Variants in TBC1D32 observed in about 807,000 individuals in gnomAD.
The protein encoded by TBC1D32 is TBC1 domain family member 32.
TBC1D32 carries 151 observed loss-of-function variants against 170.3 expected under a neutral mutation model. The observed-to-expected ratio is 0.89, with a 90% CI of 0.78 to 1.01. TBC1D32 has a LOEUF of 1.01. Among genes scored for constraint, TBC1D32 ranks in the 50% least tolerant of loss-of-function variants. The pLI is 0.00. For missense variants in TBC1D32, 1,464 were observed against 1,457.1 expected (o/e 1.00, Z -0.08); for synonymous variants, 498 against 488.0 (o/e 1.02, Z -0.27).
chr6:121,297,913 C>A (rs996366186), intron 10 of TBC1D32, among the ~76,000 whole-genome samples: 2 of 151,974 alleles, frequency 1.3e-5, no homozygotes, highest in Non-Finnish European at 2.9e-5. Flanking sequence ...TGATGAGAAG[C>A]TAGAGGAAAT....
chr6:121,269,422 C>T (rs1411497308), intron 15 of TBC1D32, among the ~76,000 whole-genome samples: 2 of 137,700 alleles, frequency 1.5e-5, no homozygotes, highest in South Asian at 5.6e-4. Flanking sequence ...GGAAGATCTA[C>T]CAAGCAAATG....
chr6:121,092,836 T>C (rs1776975272), intron 30 of TBC1D32, among the ~76,000 whole-genome samples: 1 of 152,192 alleles, frequency 6.6e-6, no homozygotes, highest in Non-Finnish European at 1.5e-5. Context: ...TATAGTCACA[T>C]TCTGAAGTAG....
At chr6:121,220,497 T>C (rs1309272617) in intron 21 of TBC1D32, among the ~76,000 whole-genome samples, 1 of 152,090 alleles carries the variant, frequency 6.6e-6, no homozygotes, top group African/African-American at 2.4e-5. Flanking sequence ...ACAGGTTGGT[T>C]CATGGGATTC....
chr6:121,313,516 T>C (rs1024619808), intron 3 of TBC1D32, among the ~76,000 whole-genome samples: 2 of 151,998 alleles, frequency 1.3e-5, no homozygotes, highest in African/African-American at 4.8e-5. Flanking sequence ...CCCCTACACA[T>C]TCCTCTTCCA....
intron 22 of TBC1D32, 93 bp from the exon 23 acceptor site, chr6:121,161,149 A>G (rs1632545): frequency 0.98 from 855,835 of 872,834 alleles, 420,478 homozygotes; most frequent in Non-Finnish European, 1. Flanking sequence ...AAAAAAGGCA[A>G]AAATATTTAT....
At chr6:121,157,840 T>C (rs1048967556) in intron 24 of TBC1D32, among the ~76,000 whole-genome samples, 7 of 152,148 alleles carry the variant, frequency 4.6e-5, no homozygotes, top group African/African-American at 1.7e-4. Flanking sequence ...CTCCAATCTC[T>C]TCTGGCTTTA....
intron 31 of TBC1D32, among the ~76,000 whole-genome samples, chr6:121,084,466 C>T (rs1775981455): frequency 6.6e-6 from 1 of 152,060 alleles, no homozygotes; most frequent in Admixed American, 6.6e-5. Flanking sequence ...ACACTACAGA[C>T]ATATGATGTT....
chr6:121,252,354 A>T (rs913224961), intron 17 of TBC1D32, among the ~76,000 whole-genome samples: 3 of 152,238 alleles, frequency 2.0e-5, no homozygotes, highest in Non-Finnish European at 2.9e-5. Flanking sequence ...GACTGGATAA[A>T]GAAAATGTGG....
At chr6:121,122,411 C>A (rs972512633) in intron 26 of TBC1D32, among the ~76,000 whole-genome samples, 1 of 151,920 alleles carries the variant, frequency 6.6e-6, no homozygotes, top group Admixed American at 6.6e-5. Flanking sequence ...CTGTATCATG[C>A]TCTCCTATCT....
Position 121,283,896 on chromosome 6 carries a change from T to C in TBC1D32, c.1387A>G (p.Ile463Val), listed in dbSNP as rs557088263. Residue 463 changes from isoleucine to valine, a missense_variant, in exon 13 of 32, where the codon ATA (isoleucine) becomes GTA (valine). Transcript: ENST00000398212. ...LKNKKGLVSLIDLLVLFTQLI... is the reference protein window; with the variant it reads ...LKNKKGLVSLVDLLVLFTQLI... ...TGGGTAAAAAGAACAAGCAGATCTA[T>C]GAGGGATACCAAACCTTTAAAAAGA... 12 of 1,607,316 alleles carry C rather than the reference T, an allele frequency of 7.5e-6. No homozygotes were observed. The African/African-American group carries it at 9.4e-5, about 13-fold the overall frequency.
chr6:121,303,774 G>GA lies in TBC1D32; in HGVS notation c.936-14dup, dbSNP rs776085523. ...TTCTTCCATATACCTTAAAGTTTGG[G>GA]AAAAAAGAAATACAATTACACATAT... On this transcript the variant is annotated splice_polypyrimidine_tract_variant and intron_variant, in intron 8 of 31. Transcript: ENST00000398212. 2.7e-6 allele frequency: 4 copies of GA among 1,491,396 alleles called. No homozygotes were observed. In the South Asian group the frequency reaches 4.2e-5, roughly 16 times the overall value. The allele number at this position is 1,491,396 out of a possible 1,614,324, so 92.4% of individuals were successfully genotyped here. A position where few individuals can be genotyped will look rare whatever the true frequency, so the allele number is the denominator to read the frequency against.
chr6:121,230,993 G>T (rs989236244), intron 20 of TBC1D32, among the ~76,000 whole-genome samples: 7 of 151,978 alleles, frequency 4.6e-5, no homozygotes, highest in African/African-American at 1.7e-4. Context: ...TTATGCCTTG[G>T]TGTCCTCATA....
At chr6:121,267,127 TA>T (rs10695424) in intron 15 of TBC1D32, among the ~76,000 whole-genome samples, 225 of 126,060 alleles carry the variant, frequency 1.8e-3, no homozygotes, top group Middle Eastern at 4.1e-3. Flanking sequence ...TGTGCTCTTC[TA>T]AAAAAAAAAA....
In TBC1D32 at chr6:121,321,530, G is replaced by A. The variant is rs1288857791; in HGVS notation, c.317+103C>T. ...ACTCATTGTTTTAAAGAATCATTCT[G>A]GCTGCTATGAGGGAAATAGACTGTG... On this transcript the variant is annotated intron_variant, in intron 2 of 31. Transcript: ENST00000398212. 80 of 1,089,356 alleles carry A rather than the reference G, an allele frequency of 7.3e-5. No individual in the cohort carries two copies. In the South Asian group the frequency reaches 1.4e-3, roughly 18 times the overall value. The allele number at this position is 1,089,356 out of a possible 1,614,324, so 67.5% of individuals were successfully genotyped here.
intron 22 of TBC1D32, among the ~76,000 whole-genome samples, chr6:121,186,144 T>A (rs1356166740): frequency 6.6e-6 from 1 of 152,164 alleles, no homozygotes; most frequent in African/African-American, 2.4e-5. Context: ...CTACTAGAAC[T>A]GAAAATTTAA....
intron 30 of TBC1D32, among the ~76,000 whole-genome samples, chr6:121,098,962 C>T (rs1054359831): frequency 6.6e-6 from 1 of 151,978 alleles, no homozygotes; most frequent in Non-Finnish European, 1.5e-5. Context: ...TGACTCTGAA[C>T]AAGGGCCATG....
At chr6:121,179,536 A>G (rs1228277662) in intron 22 of TBC1D32, among the ~76,000 whole-genome samples, 2 of 152,080 alleles carry the variant, frequency 1.3e-5, no homozygotes, top group African/African-American at 4.8e-5. Flanking sequence ...TAAAAAGGAC[A>G]GGATCTATAT....
intron 12 of TBC1D32, among the ~76,000 whole-genome samples, chr6:121,284,567 C>G (rs1469391725): frequency 2.0e-5 from 3 of 152,056 alleles, no homozygotes; most frequent in African/African-American, 7.2e-5. Flanking sequence ...GATAGTGGAC[C>G]AAATGTGGCC....
At chr6:121,112,724 TA>T in intron 28 of TBC1D32, 65 bp from the exon 29 acceptor site, 1 of 1,283,680 alleles carries the variant, frequency 7.8e-7, no homozygotes, top group Non-Finnish European at 1.0e-6. Flanking sequence ...ATTCTGTAAA[TA>T]AAATAAAATG....
Sources: allele counts gnomAD v4.1 joint callset (sites outside exome capture counted in the v4.1 genomes callset), GRCh38; gene constraint gnomAD v4.1.1; transcripts MANE v1.5; gene names NCBI Gene and HGNC (gene_info 2026-07-23, HGNC 2026-07-21).